Variants in ATXN10 observed in about 807,000 individuals in gnomAD.
The protein encoded by ATXN10 is ataxin 10.
In ATXN10, 28 loss-of-function variants were observed where a neutral mutation model predicts 52.9. That is an observed-to-expected ratio of 0.53 (90% confidence interval 0.39 to 0.73). The LOEUF is 0.73. Ranked by LOEUF, ATXN10 falls within the 30% of genes least tolerant of loss-of-function variation. The pLI, the probability that ATXN10 is intolerant of heterozygous loss-of-function variation, is 0.00. For synonymous variants in ATXN10, 226 were observed against 221.5 expected (o/e 1.02, Z -0.18); for missense variants, 565 against 577.0 (o/e 0.98, Z 0.21).
rs1031393332 is a variant in ATXN10 at position 45,842,840 on chromosome 22, T to C, written c.1238-151T>C. On this transcript the variant is annotated intron_variant, in intron 10 of 11. Transcript: ENST00000252934. The surrounding 1 kb of genome is among the most constrained non-coding windows in gnomAD (Gnocchi z 4.8). The stretch of plus-strand genomic sequence containing the variant: ...CTTTTTAATGTGTTTGCACTTGAGA[T>C]GCATATTCAGAGAATGCATCCTCAA... The C allele has an allele frequency of 8.5e-6, 7 of 821,910 alleles. 1 individual carries two copies. Among genetic ancestry groups the C allele is most frequent in the East Asian group, 2.6e-5 (1 of 38,330 alleles). 50.9% of individuals were successfully genotyped at this position (821,910 alleles called of 1,614,324 possible).
rs539456760 is a variant in ATXN10 at position 45,833,260 on chromosome 22, C to T, written c.1238-9731C>T. On this transcript the variant is annotated intron_variant, in intron 10 of 11. Coordinates refer to ENST00000252934, the MANE Select transcript of ATXN10 (RefSeq NM_013236.4). The surrounding 1 kb of genome is among the most constrained non-coding windows in gnomAD (Gnocchi z 4.3). ...CTCCCCACCCTTGACCACCGACTTC[C>T]TGGGAGCTGCTGAAGGCGTCGGGGG... 2.0e-5 allele frequency among the ~76,000 whole-genome samples: 3 copies of T among 152,174 alleles called. No individual in the cohort carries two copies. Among genetic ancestry groups the T allele is most frequent in the Non-Finnish European group, 4.4e-5 (3 of 68,014 alleles).
rs1267391257 is a variant in ATXN10 at position 45,833,347 on chromosome 22, A to G, written c.1238-9644A>G. Among the ~76,000 whole-genome samples the G allele has an allele frequency of 6.6e-6, 1 of 152,162 alleles. No homozygotes were observed. The highest frequency in any genetic ancestry group is 1.5e-5 in the Non-Finnish European group (1 of 68,022). ...AACTAATGCCATTGGAGCAAGTGCT[A>G]CCAGATGCCCAGACACTGGTGTGTA... is the stretch of plus-strand genomic sequence containing the variant. On this transcript the variant is annotated intron_variant, in intron 10 of 11. Transcript: ENST00000252934. This position sits in a 1 kb window ranked among gnomAD's most constrained non-coding sequence, Gnocchi z 4.3.
rs914982403 is a variant in ATXN10, at chr22:45,683,296, G to C, written c.117-6416G>C. ...ATCCTGCCTCTGCACTCCAGCCTGGGCAACAGAGCAAAACTCTGTCTCAAA... is the reference window on the plus strand; with the variant it reads ...ATCCTGCCTCTGCACTCCAGCCTGGCCAACAGAGCAAAACTCTGTCTCAAA... On this transcript the variant is annotated intron_variant, in intron 1 of 11. Coordinates refer to ENST00000252934, the MANE Select transcript of ATXN10 (RefSeq NM_013236.4). This position sits in a 1 kb window ranked among gnomAD's most constrained non-coding sequence, Gnocchi z 4.8. Among the ~76,000 whole-genome samples, 8 of 152,178 alleles carry C rather than the reference G, an allele frequency of 5.3e-5. No individual in the cohort carries two copies. Among genetic ancestry groups the C allele is most frequent in the Non-Finnish European group, 8.8e-5 (6 of 68,026 alleles).
chr22:45,827,395 A>G (rs1298028341), intron 10 of ATXN10, among the ~76,000 whole-genome samples: 1 of 152,228 alleles, frequency 6.6e-6, no homozygotes, highest in Non-Finnish European at 1.5e-5. Context: ...CACTTGATCT[A>G]ACTGTACTGT....
In ATXN10 at chr22:45,837,498, G is replaced by A. The variant is rs554779531; in HGVS notation, c.1238-5493G>A. Among the ~76,000 whole-genome samples, 19 of 152,262 alleles carry A rather than the reference G, an allele frequency of 1.2e-4. No homozygotes were observed. Among genetic ancestry groups the A allele is most frequent in the Admixed American group, 6.5e-4 (10 of 15,302 alleles). ...AGGCTGGTCTCATACTCCTGACCTC[G>A]TGATCCGCCTGCCTCAGCCTCCCAA... On this transcript the variant is annotated intron_variant, in intron 10 of 11. Coordinates refer to ENST00000252934, the MANE Select transcript of ATXN10 (RefSeq NM_013236.4). This position sits in a 1 kb window ranked among gnomAD's most constrained non-coding sequence, Gnocchi z 5.8.
rs1238420460 is a variant in ATXN10 at position 45,783,429 on chromosome 22, T to C, written c.1174-23530T>C. On this transcript the variant is annotated intron_variant, in intron 9 of 11. Coordinates refer to ENST00000252934, the MANE Select transcript of ATXN10 (RefSeq NM_013236.4). The surrounding 1 kb of genome is among the most constrained non-coding windows in gnomAD (Gnocchi z 5.0). ...GAATGAGGGTACAACTCTCTGTTCT[T>C]TTCTGAAGCACCAGTCTCTGTAAAT... Among the ~76,000 whole-genome samples the C allele has an allele frequency of 6.6e-6, 1 of 152,216 alleles. No homozygotes were observed. The highest frequency in any genetic ancestry group is 2.4e-5 in the African/African-American group (1 of 41,438).
rs71315146 is a variant in ATXN10, at chr22:45,727,331, A to ATATCTATCTATCTATCTATCTATCTATC, written c.729-2076_729-2049dup. 6.8e-6 allele frequency among the ~76,000 whole-genome samples: 1 copy of ATATCTATCTATCTATCTATCTATCTATC among 146,678 alleles called. No homozygotes were observed. The highest frequency in any genetic ancestry group is 1.5e-5 in the Non-Finnish European group (1 of 66,928). The stretch of plus-strand genomic sequence containing the variant: ...GTTCTGTCTGTCTGTCTATCTATCT[A>ATATCTATCTATCTATCTATCTATCTATC]TATCTATCTATCTATCTATCTATCT... On this transcript the variant is annotated intron_variant, in intron 6 of 11. Coordinates refer to ENST00000252934, the MANE Select transcript of ATXN10 (RefSeq NM_013236.4). This position sits in a 1 kb window ranked among gnomAD's most constrained non-coding sequence, Gnocchi z 4.6.
rs532402277 is a variant in ATXN10, at chr22:45,682,246, G to T, written c.117-7466G>T. ...TTTTCTGCCTATATTTACTTTCAGA[G>T]TATTCTCACTCAATCTTGTGGCTTT... On this transcript the variant is annotated intron_variant, in intron 1 of 11. Transcript: ENST00000252934. 2.6e-5 allele frequency among the ~76,000 whole-genome samples: 4 copies of T among 152,064 alleles called. No individual in the cohort carries two copies. The East Asian group carries it at 5.8e-4, about 22-fold the overall frequency.
chr22:45,723,562 A>T (rs956918661), intron 6 of ATXN10, among the ~76,000 whole-genome samples: 2 of 152,150 alleles, frequency 1.3e-5, no homozygotes, highest in African/African-American at 2.4e-5. Context: ...AGTGTCCATT[A>T]TACTACTCTG....
chr22:45,704,949 ATTTTC>A (rs1923983504), intron 5 of ATXN10, among the ~76,000 whole-genome samples: 1 of 151,818 alleles, frequency 6.6e-6, no homozygotes, highest in Non-Finnish European at 1.5e-5. Context: ...ACTTCTACTG[ATTTTC>A]TTTTACTTGT....
At chr22:45,740,651 G>T in intron 9 of ATXN10, 113 bp downstream of exon 9, 4 of 759,322 alleles carry the variant, frequency 5.3e-6, no homozygotes, top group Non-Finnish European at 6.7e-6. Flanking sequence ...AAAGTAGCTT[G>T]GATAGAGAGA....
chr22:45,788,370 A>T (rs1489909320), intron 9 of ATXN10, among the ~76,000 whole-genome samples: 1 of 149,846 alleles, frequency 6.7e-6, no homozygotes, highest in Non-Finnish European at 1.5e-5. Flanking sequence ...TTTCAACCAG[A>T]CTCTTAGAAT....
chr22:45,836,389 A>G lies in ATXN10; in HGVS notation c.1238-6602A>G, dbSNP rs745659854. Among the ~76,000 whole-genome samples, 98 of 151,980 alleles carry G rather than the reference A, an allele frequency of 6.4e-4. 1 individual carries two copies. In the Middle Eastern group the frequency reaches 0.014, roughly 21 times the overall value. On this transcript the variant is annotated intron_variant, in intron 10 of 11. Transcript: ENST00000252934. ...GGATCTTCAGATGTCCTGTCCCAGG[A>G]CCTCCATCTTGCCTGGCCCCCTCCC...
chr22:45,733,673 G>C lies in ATXN10; in HGVS notation c.894+4083G>C, dbSNP rs146677426. On this transcript the variant is annotated intron_variant, in intron 7 of 11. Transcript: ENST00000252934. This position sits in a 1 kb window ranked among gnomAD's most constrained non-coding sequence, Gnocchi z 4.4. ...TCGGGAGGCGGAGGCAGAGAATCAC[G>C]TGAACCCGGGAGGCGGAGGTTGCTG... 8.7e-3 allele frequency among the ~76,000 whole-genome samples: 1,320 copies of C among 151,892 alleles called. 9 individuals carry two copies. The highest frequency in any genetic ancestry group is 0.014 in the Non-Finnish European group (974 of 67,946).
chr22:45,676,516 G>C (rs1016987920), intron 1 of ATXN10: 1 of 140,814 alleles, frequency 7.1e-6, no homozygotes, highest in Non-Finnish European at 1.5e-5. Context: ...TTTCACTCTT[G>C]TTGCCCAGGT....
Position 45,754,624 on chromosome 22 carries a change from C to T in ATXN10, c.1173+14086C>T, listed in dbSNP as rs554261195. Among the ~76,000 whole-genome samples, 88 of 152,234 alleles carry T rather than the reference C, an allele frequency of 5.8e-4. 1 individual carries two copies. Among genetic ancestry groups the T allele is most frequent in the Middle Eastern group, 3.4e-3 (1 of 294 alleles). ...TCCCAGCACTTTGGGAGGCCGAGGC[C>T]AGCGGATCACCTGAGGTCAGGAGTT... On this transcript the variant is annotated intron_variant, in intron 9 of 11. Transcript: ENST00000252934. This position sits in a 1 kb window ranked among gnomAD's most constrained non-coding sequence, Gnocchi z 5.4.
At chr22:45,730,380 A>T (rs1207474184) in intron 7 of ATXN10, among the ~76,000 whole-genome samples, 1 of 150,532 alleles carries the variant, frequency 6.6e-6, no homozygotes, top group African/African-American at 2.4e-5. Flanking sequence ...ATAACATTTC[A>T]AGTAAAGAAT....
chr22:45,744,849 GA>G lies in ATXN10; in HGVS notation c.1173+4314del, dbSNP rs1215688384. The G allele has an allele frequency of 6.6e-6, 1 of 152,166 alleles. No homozygotes were observed. The highest frequency in any genetic ancestry group is 2.4e-5 in the African/African-American group (1 of 41,438). The allele number at this position is 152,166 out of a possible 1,614,324, so 9.4% of individuals were successfully genotyped here. A position where few individuals can be genotyped will look rare whatever the true frequency, so the allele number is the denominator to read the frequency against. On this transcript the variant is annotated intron_variant, in intron 9 of 11. Coordinates refer to ENST00000252934, the MANE Select transcript of ATXN10 (RefSeq NM_013236.4). The surrounding 1 kb of genome is among the most constrained non-coding windows in gnomAD (Gnocchi z 4.9). The stretch of plus-strand genomic sequence containing the variant: ...TTGCCTCAGATTGAAAATCTGCACA[GA>G]AATGTATTTTATCCCAAATTCTCAT...
chr22:45,749,009 C>T (rs1320037669), intron 9 of ATXN10, among the ~76,000 whole-genome samples: 4 of 152,098 alleles, frequency 2.6e-5, no homozygotes, highest in African/African-American at 7.2e-5. Context: ...TATTCTCTTC[C>T]AGGAAATGCA....
Sources: allele counts gnomAD v4.1 joint callset (sites outside exome capture counted in the v4.1 genomes callset), GRCh38; gene constraint gnomAD v4.1.1; non-coding constraint Gnocchi (gnomAD v3.1); transcripts MANE v1.5; gene names NCBI Gene and HGNC (gene_info 2026-07-23, HGNC 2026-07-21).